Variants in PDZD8 observed in about 807,000 individuals in gnomAD.
PDZD8 encodes the protein PDZ domain-containing protein 8.
A neutral mutation model predicts 85.8 loss-of-function variants in PDZD8; 14 were observed. The ratio of observed to expected loss-of-function variants is 0.16; its 90% confidence interval spans 0.11 to 0.26. The LOEUF is 0.26. Among genes scored for constraint, PDZD8 ranks in the 10% least tolerant of loss-of-function variants. The pLI, the probability that PDZD8 is intolerant of heterozygous loss-of-function variation, is 1.00. For synonymous variants in PDZD8, 592 were observed against 568.6 expected, an observed-to-expected ratio of 1.04 and a Z score of -0.59; for missense variants, 1,197 against 1,424.3, an observed-to-expected ratio of 0.84 and a Z score of 2.57.
chr10:117,321,257 G>T (rs760923887), intron 2 of PDZD8, among the ~76,000 whole-genome samples: 1 of 152,118 alleles, frequency 6.6e-6, no homozygotes, highest in African/African-American at 2.4e-5. Flanking sequence ...TCCATCAAAT[G>T]ATGAGTGGGA....
At chr10:117,347,360 G>C (rs1191647114) in intron 1 of PDZD8, among the ~76,000 whole-genome samples, 1 of 152,130 alleles carries the variant, frequency 6.6e-6, no homozygotes, top group Admixed American at 6.5e-5. Flanking sequence ...CCAGGTTTTA[G>C]ATAAACTCAA....
intron 2 of PDZD8, among the ~76,000 whole-genome samples, chr10:117,327,324 T>C (rs941250703): frequency 6.6e-6 from 1 of 152,196 alleles, no homozygotes; most frequent in African/African-American, 2.4e-5. Context: ...TGGGAGGCCA[T>C]TGTTTTGGAC....
intron 2 of PDZD8, among the ~76,000 whole-genome samples, chr10:117,324,208 CAAAAAAAAAAAAAA>C (rs60898350): frequency 6.8e-5 from 2 of 29,236 alleles, no homozygotes; most frequent in Non-Finnish European, 1.3e-4. Context: ...GACTCCATCT[CAAAAAAAAAAAAAA>C]AAAAAAAAAA....
chr10:117,288,666 G>A (rs1277966072), intron 4 of PDZD8, among the ~76,000 whole-genome samples: 2 of 152,120 alleles, frequency 1.3e-5, no homozygotes, highest in Non-Finnish European at 2.9e-5. Context: ...CTGCCACCAT[G>A]CCCAGCTAAT....
At chr10:117,361,194 C>G (rs576083150) in intron 1 of PDZD8, among the ~76,000 whole-genome samples, 69 of 151,806 alleles carry the variant, frequency 4.5e-4, no homozygotes, top group Non-Finnish European at 8.8e-4. Flanking sequence ...TCTGGAACAT[C>G]CAAATCACAC....
chr10:117,373,945 T>C (rs762280304), intron 1 of PDZD8, among the ~76,000 whole-genome samples: 9 of 152,106 alleles, frequency 5.9e-5, no homozygotes, highest in Non-Finnish European at 8.8e-5. Context: ...CCAGGAACAA[T>C]TTCTCAAAGC....
chr10:117,290,864 C>CTTTTT (rs145614241), intron 3 of PDZD8, among the ~76,000 whole-genome samples: 13 of 123,554 alleles, frequency 1.1e-4, no homozygotes, highest in East Asian at 2.4e-4. Flanking sequence ...ATGGTGTATC[C>CTTTTT]TTTTTTTTTT....
At chr10:117,352,298 A>T (rs1048928804) in intron 1 of PDZD8, among the ~76,000 whole-genome samples, 5 of 152,336 alleles carry the variant, frequency 3.3e-5, no homozygotes, top group Admixed American at 2.0e-4. Flanking sequence ...TTGAGCGTTC[A>T]TGTTCTTGCT....
At chr10:117,340,700 G>A (rs758950984) in intron 2 of PDZD8, among the ~76,000 whole-genome samples, 1 of 152,122 alleles carries the variant, frequency 6.6e-6, no homozygotes, top group Non-Finnish European at 1.5e-5. Context: ...TCCCCAGTAG[G>A]TAGAATAAGT....
chr10:117,328,210 C>G (rs1165680912), intron 2 of PDZD8, among the ~76,000 whole-genome samples: 1 of 152,142 alleles, frequency 6.6e-6, no homozygotes, highest in Admixed American at 6.5e-5. Flanking sequence ...GTGATTGTTT[C>G]TCTCCTACAA....
In PDZD8 at chr10:117,283,290, A is replaced by G. The variant is rs1348031897; in HGVS notation, c.3443T>C (p.Phe1148Ser). 1.9e-6 allele frequency: 3 copies of G among 1,612,590 alleles called. No individual in the cohort carries two copies. The highest frequency in any genetic ancestry group is 3.4e-5 in the Admixed American group (2 of 59,688). Residue 1148 changes from phenylalanine to serine, a missense_variant, in exon 5 of 5, where the codon TTT becomes TCT. Transcript: ENST00000334464. ...CTGCTACACAGACTCGGATGGGCCA[A>G]ATAAGTCATCTGATATGCTGCTGAA... is the stretch of plus-strand genomic sequence containing the variant. ...QPFSSISDDLFGPSESV is the reference protein window; with the variant it reads ...QPFSSISDDLSGPSESV
At chr10:117,313,756 T>G (rs1844077494) in intron 3 of PDZD8, among the ~76,000 whole-genome samples, 1 of 59,738 alleles carries the variant, frequency 1.7e-5, no homozygotes, top group Non-Finnish European at 5.3e-5. Context: ...ACTGATTACT[T>G]TTCCTTTACA....
At position 117,341,081 on chromosome 10, in the gene PDZD8, G is replaced by A. The variant is rs770780478; in HGVS notation, c.894C>T (p.Tyr298=). 15 of 1,613,432 alleles carry A rather than the reference G, an allele frequency of 9.3e-6. No individual in the cohort carries two copies. The South Asian group carries it at 1.4e-4, about 15-fold the overall frequency. ...YKIRFKPFFP[Y]QTLQGFEEDE... ...CTTCTTCAAATCCTTGCAAGGTCTGGTATGGAAAAAACGGCTTAAACCTGA... is the reference window on the plus strand; with the variant it reads ...CTTCTTCAAATCCTTGCAAGGTCTGATATGGAAAAAACGGCTTAAACCTGA... Residue 298 remains tyrosine (Y), a synonymous_variant, in exon 2 of 5, where the codon TAC becomes TAT. Coordinates refer to ENST00000334464, the MANE Select transcript of PDZD8 (RefSeq NM_173791.5).
At chr10:117,357,830 C>T (rs996697718) in intron 1 of PDZD8, among the ~76,000 whole-genome samples, 5 of 115,160 alleles carry the variant, frequency 4.3e-5, no homozygotes, top group Non-Finnish European at 7.0e-5. Flanking sequence ...AAGGCCTACA[C>T]GATCAGGAAA....
At chr10:117,326,496 C>T (rs967062470) in intron 2 of PDZD8, among the ~76,000 whole-genome samples, 1 of 152,196 alleles carries the variant, frequency 6.6e-6, no homozygotes, top group Non-Finnish European at 1.5e-5. Flanking sequence ...TTAAGCTTTC[C>T]TCTTTTGCTT....
chr10:117,283,264 T>C lies in PDZD8; in HGVS notation c.*4A>G, dbSNP rs1844597789. 5.0e-6 allele frequency: 8 copies of C among 1,599,842 alleles called. No homozygotes were observed. The highest frequency in any genetic ancestry group is 4.3e-6 in the Non-Finnish European group (5 of 1,175,086). The stretch of plus-strand genomic sequence containing the variant: ...TCATTTGAAAGCTTAAATAGACCTG[T>C]CTGCTACACAGACTCGGATGGGCCA... On this transcript the variant is annotated 3_prime_UTR_variant, in exon 5 of 5. Coordinates refer to ENST00000334464, the MANE Select transcript of PDZD8 (RefSeq NM_173791.5).
rs1589996166 is a variant in PDZD8, at chr10:117,290,319, A to G, written c.1128T>C (p.Ser376=). ...TVELIKGNLQ[S]VGLTLRLVQS... is the part of the protein sequence containing the mutation. ...GGACAAGACGAAGTGTAAGTCCAAC[A>G]CTTTGTAAATTTCCTTTTATTAATT... is the stretch of plus-strand genomic sequence containing the variant. The change falls in exon 4 of 5, where the codon AGT becomes AGC. Residue 376 remains serine (S), a synonymous_variant. Transcript: ENST00000334464. 6.2e-6 allele frequency: 10 copies of G among 1,603,234 alleles called. No individual in the cohort carries two copies. The highest frequency in any genetic ancestry group is 8.5e-6 in the Non-Finnish European group (10 of 1,176,140).
rs534811993 is a variant in PDZD8, at chr10:117,304,746, C to T, written c.1098+14126G>A. Among the ~76,000 whole-genome samples the T allele has an allele frequency of 4.5e-4, 68 of 152,252 alleles. 4 individuals carry two copies. In the South Asian group the frequency reaches 0.014, roughly 31 times the overall value. On this transcript the variant is annotated intron_variant, in intron 3 of 4. Coordinates refer to ENST00000334464, the MANE Select transcript of PDZD8 (RefSeq NM_173791.5). ...GTTTATCAGGGGGTTTCTGCTTTTG[C>T]TTCTTCCTCATTTTTCTCTTGCTGC...
Position 117,284,431 on chromosome 10 carries a change from T to C in PDZD8, c.2302A>G (p.Arg768Gly). The change falls in exon 5 of 5, where the codon AGA becomes GGA. Residue 768 changes from arginine to glycine, a missense_variant. By Grantham distance (125) the Arg-to-Gly change is moderately radical (BLOSUM62 -2). Around this residue, in one of 4 missense-constraint regions of PDZD8, gnomAD observed 418 missense variants for 571.1 expected, o/e 0.73. Coordinates refer to ENST00000334464, the MANE Select transcript of PDZD8 (RefSeq NM_173791.5). ...EAPSPKAIVT[R>G]TALRNLSMQK... ...ATACTCAGATTGCGTAGTGCGGTTC[T>C]AGTGACTATAGCCTTAGGTGAGGGG... 6.2e-7 allele frequency: 1 copy of C among 1,614,222 alleles called. No homozygotes were observed. The highest frequency in any genetic ancestry group is 1.1e-5 in the South Asian group (1 of 91,082).
Sources: gnomAD v4.1 joint callset for allele counts (sites outside exome capture counted in the v4.1 genomes callset) on GRCh38, gnomAD v4.1.1 for gene constraint, gnomAD v4.1.1 regional missense constraint, MANE v1.5 for transcripts, NCBI Gene and HGNC (gene_info 2026-07-23, HGNC 2026-07-21) for gene names.